Variants in EYS observed in about 807,000 individuals in gnomAD.
EYS encodes protein eyes shut homolog.
In EYS, 250 loss-of-function variants were observed where a neutral mutation model predicts 282.1. The ratio of observed to expected loss-of-function variants is 0.89; its 90% confidence interval spans 0.80 to 0.98. The LOEUF (loss-of-function observed/expected upper bound fraction) is 0.98. Ranked by LOEUF, EYS falls within the 50% of genes least tolerant of loss-of-function variation. The probability of loss-of-function intolerance (pLI) is 0.00; values close to 1 mark genes in which losing one functional copy is unlikely to be tolerated. For synonymous variants in EYS, 1,355 were observed against 1,282.9 expected (o/e 1.06, Z -1.20); for missense variants, 4,016 against 3,709.0 (o/e 1.08, Z -2.15).
At chr6:64,837,503 T>G (rs2643784) in intron 19 of EYS, among the ~76,000 whole-genome samples, 82,809 of 149,556 alleles carry the variant, frequency 0.55, 23,696 homozygotes, top group Non-Finnish European at 0.61. Flanking sequence ...GAGAAAGAAA[T>G]AAAAAACATC....
chr6:64,920,851 A>T (rs1768323035), intron 15 of EYS, among the ~76,000 whole-genome samples: 1 of 152,130 alleles, frequency 6.6e-6, no homozygotes, highest in South Asian at 2.1e-4. Flanking sequence ...AAGTACTAAG[A>T]TATAGAACTT....
chr6:65,026,173 T>C (rs893867756), intron 13 of EYS, among the ~76,000 whole-genome samples: 3 of 152,202 alleles, frequency 2.0e-5, no homozygotes. Flanking sequence ...CTTTCTAATA[T>C]GACATGGTTT....
chr6:64,927,446 C>T lies in EYS; in HGVS notation c.2382-14703G>A, dbSNP rs1047445333. 1.2e-4 allele frequency among the ~76,000 whole-genome samples: 18 copies of T among 152,226 alleles called. No homozygotes were observed. In the Middle Eastern group the frequency reaches 0.01, roughly 86 times the overall value. On this transcript the variant is annotated intron_variant, in intron 15 of 42. Coordinates refer to ENST00000503581, the MANE Select transcript of EYS (RefSeq NM_001142800.2). ...ACTAATAAAAGTTATTGATTACTTA[C>T]GTGATCAATTCTATAGACTGAAACA...
intron 14 of EYS, among the ~76,000 whole-genome samples, chr6:64,970,493 T>C (rs1770253104): frequency 6.6e-6 from 1 of 152,150 alleles, no homozygotes; most frequent in African/African-American, 2.4e-5. Context: ...CCACTGTGCC[T>C]GGCCACTGCA....
chr6:64,073,441 A>G lies in EYS; in HGVS notation c.6572-6950T>C, dbSNP rs544212172. Among the ~76,000 whole-genome samples the G allele has an allele frequency of 1.1e-4, 16 of 151,962 alleles. No homozygotes were observed. The East Asian group carries it at 2.7e-3, about 26-fold the overall frequency. On this transcript the variant is annotated intron_variant, in intron 32 of 42. Transcript: ENST00000503581. ...TATCATGTAACCCTAGGATTCTATA[A>G]GTAGAGAAAAGCTATGAATAAACAC... is the stretch of plus-strand genomic sequence containing the variant.
chr6:64,290,342 G>A (rs556199739), intron 30 of EYS, among the ~76,000 whole-genome samples: 53 of 152,104 alleles, frequency 3.5e-4, no homozygotes, highest in African/African-American at 1.3e-3. Flanking sequence ...TTATAAAGTA[G>A]AAGAAAAAAC....
At chr6:64,676,101 G>A (rs1390165848) in intron 22 of EYS, among the ~76,000 whole-genome samples, 1 of 147,482 alleles carries the variant, frequency 6.8e-6, no homozygotes, top group African/African-American at 2.5e-5. Flanking sequence ...GGGAGAGAGA[G>A]AGAGCCATTT....
intron 24 of EYS, among the ~76,000 whole-genome samples, chr6:64,597,435 G>A (rs564348291): frequency 6.4e-4 from 97 of 152,036 alleles, no homozygotes; most frequent in South Asian, 1.0e-3. Context: ...TCACAGCACC[G>A]TTCACAATAG....
intron 24 of EYS, among the ~76,000 whole-genome samples, chr6:64,595,547 C>T (rs1011743569): frequency 3.9e-5 from 6 of 152,088 alleles, no homozygotes; most frequent in Non-Finnish European, 7.4e-5. Context: ...CCTAAAGACT[C>T]CACCACAAAA....
intron 1 of EYS, among the ~76,000 whole-genome samples, chr6:65,702,849 G>A (rs1413077218): frequency 1.3e-5 from 2 of 152,014 alleles, no homozygotes; most frequent in African/African-American, 4.8e-5. Context: ...ACTTGGCTAG[G>A]CCATGGTGCC....
At chr6:64,831,535 T>C (rs1187201639) in intron 19 of EYS, among the ~76,000 whole-genome samples, 1 of 151,980 alleles carries the variant, frequency 6.6e-6, no homozygotes, top group Non-Finnish European at 1.5e-5. Context: ...TCCTTAGAGG[T>C]TTGGAAAAGG....
chr6:63,840,253 A>T (rs1771922165), intron 36 of EYS, among the ~76,000 whole-genome samples: 1 of 122,404 alleles, frequency 8.2e-6, no homozygotes, highest in Non-Finnish European at 1.8e-5. Context: ...TTTAGTAGAG[A>T]CAGGGTTTCG....
At chr6:63,765,646 C>T (rs1253394913) in intron 40 of EYS, among the ~76,000 whole-genome samples, 1 of 151,936 alleles carries the variant, frequency 6.6e-6, no homozygotes, top group East Asian at 1.9e-4. Context: ...GTGTTACAAA[C>T]AATCCAATTA....
At chr6:63,974,164 A>G (rs969967758) in intron 35 of EYS, among the ~76,000 whole-genome samples, 1 of 152,088 alleles carries the variant, frequency 6.6e-6, no homozygotes, top group Non-Finnish European at 1.5e-5. Flanking sequence ...CACAATTTTA[A>G]CAGTGGCATG....
chr6:65,608,899 G>T (rs1348539346), intron 2 of EYS, among the ~76,000 whole-genome samples: 2 of 151,932 alleles, frequency 1.3e-5, no homozygotes, highest in Non-Finnish European at 2.9e-5. Context: ...GGTCTTCAGA[G>T]GAAATAACAC....
At chr6:65,182,865 C>A (rs567145505) in intron 12 of EYS, among the ~76,000 whole-genome samples, 1 of 151,850 alleles carries the variant, frequency 6.6e-6, no homozygotes, top group East Asian at 2.0e-4. Context: ...CTTGACTCAC[C>A]GCATCCTTGA....
At chr6:64,712,771 C>G (rs1016590517) in intron 22 of EYS, among the ~76,000 whole-genome samples, 2 of 152,118 alleles carry the variant, frequency 1.3e-5, no homozygotes, top group Non-Finnish European at 2.9e-5. Flanking sequence ...CAAGTTATCT[C>G]AAAGCATGGA....
At chr6:64,489,334 A>G (rs1776667566) in intron 26 of EYS, among the ~76,000 whole-genome samples, 1 of 150,702 alleles carries the variant, frequency 6.6e-6, no homozygotes, top group Admixed American at 6.6e-5. Flanking sequence ...GTAAAACACT[A>G]GTCTCTAGTG....
intron 31 of EYS, among the ~76,000 whole-genome samples, chr6:64,213,225 T>TA (rs1281032738): frequency 6.6e-6 from 1 of 151,872 alleles, no homozygotes; most frequent in Non-Finnish European, 1.5e-5. Flanking sequence ...ACTTAAAAGT[T>TA]AAAAAAAATT....
Sources: allele counts gnomAD v4.1 joint callset (sites outside exome capture counted in the v4.1 genomes callset), GRCh38; gene constraint gnomAD v4.1.1; transcripts MANE v1.5; gene names NCBI Gene and HGNC (gene_info 2026-07-23, HGNC 2026-07-21).